SLC16A1: variants seen among roughly 807,000 people sequenced by gnomAD.
SLC16A1 encodes monocarboxylate transporter 1.
SLC16A1 carries 11 observed loss-of-function variants against 32.2 expected under a neutral mutation model. The ratio of observed to expected loss-of-function variants is 0.34; its 90% CI spans 0.21 to 0.56. The LOEUF (loss-of-function observed/expected upper bound fraction) is 0.56, where lower values mean the gene tolerates loss of function less well. Among genes scored for constraint, SLC16A1 ranks in the 20% least tolerant of loss-of-function variants. The pLI is 0.87. For synonymous variants in SLC16A1, 231 were observed against 226.8 expected (o/e 1.02, Z -0.17); for missense variants, 435 against 615.0 (o/e 0.71, Z 3.10).
intron 2 of SLC16A1, among the ~76,000 whole-genome samples, chr1:112,928,082 AATTTG>A (rs1237709665): frequency 6.6e-6 from 1 of 152,194 alleles, no homozygotes; most frequent in African/African-American, 2.4e-5. Context: ...TAGGTTCTTT[AATTTG>A]ATAGACAAAA....
At chr1:112,923,137 T>A (rs182785871) in intron 2 of SLC16A1, among the ~76,000 whole-genome samples, 1 of 151,674 alleles carries the variant, frequency 6.6e-6, no homozygotes. Context: ...CTGACCGACA[T>A]GGAGAAACCT....
chr1:112,928,391 A>C (rs1203558697), intron 2 of SLC16A1, among the ~76,000 whole-genome samples: 1 of 152,252 alleles, frequency 6.6e-6, no homozygotes, highest in Non-Finnish European at 1.5e-5. Context: ...AGAACTTGAC[A>C]GATATTGGTT....
At chr1:112,935,011 A>G (rs1649250690) in intron 1 of SLC16A1, among the ~76,000 whole-genome samples, 1 of 152,200 alleles carries the variant, frequency 6.6e-6, no homozygotes, top group African/African-American at 2.4e-5. Flanking sequence ...AAGACATAAA[A>G]CAAGGCATTT....
At chr1:112,928,162 T>A (rs950372197) in intron 2 of SLC16A1, among the ~76,000 whole-genome samples, 1 of 152,248 alleles carries the variant, frequency 6.6e-6, no homozygotes. Context: ...GTCTTCCTAA[T>A]CCTGTTCCCA....
chr1:112,934,126 T>C (rs1467096249), intron 1 of SLC16A1, among the ~76,000 whole-genome samples: 5 of 152,214 alleles, frequency 3.3e-5, no homozygotes, highest in African/African-American at 9.6e-5. Flanking sequence ...TTATATTAAA[T>C]TGTAGAAAAG....
chr1:112,945,933 G>A (rs1649690513), intron 1 of SLC16A1, among the ~76,000 whole-genome samples: 1 of 152,104 alleles, frequency 6.6e-6, no homozygotes, highest in Non-Finnish European at 1.5e-5. Context: ...GGAGATTGAG[G>A]TGAGCCAAGA....
chr1:112,929,450 C>T (rs1649050819), intron 1 of SLC16A1, 98 bp from the exon 2 acceptor site: 2 of 725,564 alleles, frequency 2.8e-6, no homozygotes, highest in African/African-American at 1.7e-5. Flanking sequence ...TGGATCATGC[C>T]TATTAGTAAT....
chr1:112,954,168 G>A (rs4839272), intron 1 of SLC16A1, among the ~76,000 whole-genome samples: 23,901 of 152,182 alleles, frequency 0.16, 2,426 homozygotes, highest in Non-Finnish European at 0.23. Context: ...CAGCTATGTA[G>A]GCATTTACGC....
intron 3 of SLC16A1, among the ~76,000 whole-genome samples, chr1:112,918,680 G>A (rs1003891103): frequency 1.3e-5 from 2 of 152,146 alleles, no homozygotes; most frequent in Non-Finnish European, 2.9e-5. Context: ...GTGTGTGCCT[G>A]CAGTCCTAGC....
chr1:112,923,133 G>T (rs1648797079), intron 2 of SLC16A1, among the ~76,000 whole-genome samples: 1 of 152,030 alleles, frequency 6.6e-6, no homozygotes, highest in Non-Finnish European at 1.5e-5. Context: ...CAGCCTGACC[G>T]ACATGGAGAA....
chr1:112,918,156 A>G (rs947864742), intron 3 of SLC16A1, 112 bp from the exon 4 acceptor site: 3 of 832,410 alleles, frequency 3.6e-6, no homozygotes, highest in South Asian at 5.4e-5. Flanking sequence ...TTATTAGAGG[A>G]CATGTTATGT....
chr1:112,933,585 T>TA (rs201081163), intron 1 of SLC16A1, among the ~76,000 whole-genome samples: 110 of 149,660 alleles, frequency 7.3e-4, no homozygotes, highest in Middle Eastern at 3.4e-3. Context: ...TCACCCAGCT[T>TA]AAAAAAAAAG....
At chr1:112,941,547 T>A (rs926207154) in intron 1 of SLC16A1, among the ~76,000 whole-genome samples, 2 of 152,150 alleles carry the variant, frequency 1.3e-5, no homozygotes. Context: ...CCTCCCAAAG[T>A]GCTGGGATTA....
At chr1:112,955,727 G>C (rs1012322830) in intron 1 of SLC16A1, 1 of 152,278 alleles carries the variant, frequency 6.6e-6, no homozygotes, top group Non-Finnish European at 1.5e-5. Flanking sequence ...AGACTTAGGG[G>C]GGAAGGGACT....
chr1:112,916,543 T>C (rs1248825000), intron 4 of SLC16A1, among the ~76,000 whole-genome samples: 1 of 150,580 alleles, frequency 6.6e-6, no homozygotes, highest in Non-Finnish European at 1.5e-5. Flanking sequence ...ATATACTTCA[T>C]TTTTAAAATG....
At position 112,917,626 on chromosome 1, in the gene SLC16A1, G is replaced by A. The variant is rs2101621539; in HGVS notation, c.780C>T (p.His260=). 6.2e-7 allele frequency: 1 copy of A among 1,614,242 alleles called. No homozygotes were observed. Among genetic ancestry groups the A allele is most frequent in the Admixed American group, 1.7e-5 (1 of 60,032 alleles). ...NQFLDLTLFT[H]RGFLLYLSGN... is the part of the protein sequence containing the mutation. ...CAGAGAGGTATAGCAAAAAGCCTCT[G>A]TGGGTGAATAGGGTTAAGTCCAGGA... Residue 260 remains histidine, a synonymous_variant, in exon 4 of 5, where the codon CAC becomes CAT. Coordinates refer to ENST00000369626, the MANE Select transcript of SLC16A1 (RefSeq NM_003051.4). The surrounding 1 kb of genome is among the most constrained non-coding windows in gnomAD (Gnocchi z 4.1).
intron 2 of SLC16A1, among the ~76,000 whole-genome samples, chr1:112,927,374 C>T (rs1648979168): frequency 6.6e-6 from 1 of 151,824 alleles, no homozygotes; most frequent in South Asian, 2.1e-4. Flanking sequence ...TAACAACCAT[C>T]ACTGTATATC....
At chr1:112,923,374 A>G in intron 2 of SLC16A1, 1 of 573,630 alleles carries the variant, frequency 1.7e-6, no homozygotes, top group South Asian at 1.8e-5. Context: ...GATGCTTCCA[A>G]CCACTGCACG....
In SLC16A1 at chr1:112,912,653, C is replaced by T. The variant is rs979334766; in HGVS notation, c.*1238G>A. On this transcript the variant is annotated 3_prime_UTR_variant, in exon 5 of 5. Transcript: ENST00000369626. ...GAGGGTAAAAATGCATCCAGCAATT[C>T]TAAGCACAACAATTTTCTGTAAGGC... 1 of 151,976 alleles carries T rather than the reference C, an allele frequency of 6.6e-6. No homozygotes were observed. The highest frequency in any genetic ancestry group is 1.9e-4 in the East Asian group (1 of 5,192). The allele number at this position is 151,976 out of a possible 1,614,324, so 9.4% of individuals were successfully genotyped here.
Sources: allele counts gnomAD v4.1 joint callset (sites outside exome capture counted in the v4.1 genomes callset), GRCh38; gene constraint gnomAD v4.1.1; non-coding constraint Gnocchi (gnomAD v3.1); transcripts MANE v1.5; gene names NCBI Gene and HGNC (gene_info 2026-07-23, HGNC 2026-07-21).